The following DIDO1 variants were observed in gnomAD, a reference collection of about 807,000 sequenced individuals.
DIDO1 encodes the protein death inducer-obliterator 1.
Under a neutral mutation model 99.4 loss-of-function variants are expected in DIDO1, and 16 were observed. The ratio of observed to expected loss-of-function variants is 0.16; its 90% CI spans 0.11 to 0.24. DIDO1 has a LOEUF of 0.24. Ranked by LOEUF, DIDO1 falls within the 10% of genes least tolerant of loss-of-function variation. The probability of loss-of-function intolerance (pLI) is 1.00; values close to 1 mark genes in which losing one functional copy is unlikely to be tolerated. For missense variants in DIDO1, 2,996 were observed against 3,014.0 expected (o/e 0.99, Z 0.14); for synonymous variants, 1,366 against 1,239.1 (o/e 1.10, Z -2.15).
At chr20:62,903,559 A>G (rs1390478279) in intron 6 of DIDO1, among the ~76,000 whole-genome samples, 1 of 152,202 alleles carries the variant, frequency 6.6e-6, no homozygotes, top group African/African-American at 2.4e-5. Context: ...GTACTTGTTG[A>G]GCCTACAAAA....
At position 62,891,013 on chromosome 20, in the gene DIDO1, G is replaced by A. The variant is rs773989097; in HGVS notation, c.3488C>T (p.Pro1163Leu). Residue 1163 changes from proline to leucine, a missense_variant, in exon 15 of 16, where the codon CCG becomes CTG. Coordinates refer to ENST00000395343, the MANE Select transcript of DIDO1 (RefSeq NM_001193369.2). ...TGGAACAGGGTCCTGGGCGCTCAGC[G>A]GGATCAGGTAGAGGTCCTTGACGTG... ...NRHVKDLYLI[P>L]LSAQDPVPSK... is the part of the protein sequence containing the mutation. 1.9e-6 allele frequency: 3 copies of A among 1,614,164 alleles called. No individual in the cohort carries two copies. The highest frequency in any genetic ancestry group is 2.2e-5 in the East Asian group (1 of 44,880).
chr20:62,883,221 G>A (rs773835204), intron 15 of DIDO1, among the ~76,000 whole-genome samples: 3 of 151,784 alleles, frequency 2.0e-5, no homozygotes, highest in Non-Finnish European at 2.9e-5. Flanking sequence ...ACCGCACCCG[G>A]ACCCCTTTTT....
At chr20:62,908,854 A>G (rs759414935) in intron 4 of DIDO1, among the ~76,000 whole-genome samples, 1 of 152,210 alleles carries the variant, frequency 6.6e-6, no homozygotes, top group Non-Finnish European at 1.5e-5. Flanking sequence ...GCGAAGCCTC[A>G]ACTGCACAAA....
At position 62,892,709 on chromosome 20, in the gene DIDO1, T is replaced by C. The variant is rs2064425051; in HGVS notation, c.3255+100A>G. Reference sequence around the variant, plus strand: ...AGAGTGTCAGGCATTTCTGTTTCTCTCCTACCTCATGAATTAAGGGAGAAA... The same window carrying C: ...AGAGTGTCAGGCATTTCTGTTTCTCCCCTACCTCATGAATTAAGGGAGAAA... On this transcript the variant is annotated intron_variant, in intron 13 of 15. Transcript: ENST00000395343. 5 of 1,441,448 alleles carry C rather than the reference T, an allele frequency of 3.5e-6. No homozygotes were observed. The Admixed American group carries it at 8.9e-5, about 26-fold the overall frequency. 89.3% of individuals were successfully genotyped at this position (1,441,448 alleles called of 1,614,324 possible).
rs759149172 is a variant in DIDO1, at chr20:62,881,028, C to T, written c.4928G>A (p.Arg1643His). 6.2e-7 allele frequency: 1 copy of T among 1,603,778 alleles called. No homozygotes were observed. Among genetic ancestry groups the T allele is most frequent in the South Asian group, 1.1e-5 (1 of 90,696 alleles). ...CGAGCTGTCTCCAACCGTGGCGGGG[C>T]GGGTGCCCTCCCCAGGCTCTGCCTT... ...GWKAEPGEGT[R>H]PATVGDSSAR... The change falls in exon 16 of 16, where the codon CGC (arginine) becomes CAC (histidine). Residue 1643 changes from arginine (R) to histidine (H), a missense_variant. Physicochemically the swap from Arg to His is conservative, Grantham distance 29 (BLOSUM62 0). Coordinates refer to ENST00000395343, the MANE Select transcript of DIDO1 (RefSeq NM_001193369.2). The surrounding 1 kb of genome is among the most constrained non-coding windows in gnomAD (Gnocchi z 8.3).
At position 62,882,186 on chromosome 20, in the gene DIDO1, G is replaced by T. The variant is rs377748801; in HGVS notation, c.3770C>A (p.Pro1257His). The part of the protein sequence containing the change: ...CSADAAVSTT[P>H]PGSPPPPPPL... ...GGGCGGAGGCGGCGGCGACCCAGGA[G>T]GTGTGGTGCTGACAGCCGCGTCTGC... The change falls in exon 16 of 16, where the codon CCT becomes CAT. Residue 1257 changes from proline to histidine, a missense_variant. Transcript: ENST00000395343. 2.5e-6 allele frequency: 4 copies of T among 1,613,430 alleles called. No homozygotes were observed. The highest frequency in any genetic ancestry group is 3.4e-6 in the Non-Finnish European group (4 of 1,180,048).
In DIDO1 at chr20:62,894,017, T is replaced by C. The variant is rs1337876788; in HGVS notation, c.2750A>G (p.Glu917Gly). The C allele has an allele frequency of 1.2e-6, 2 of 1,614,084 alleles. No homozygotes were observed. The highest frequency in any genetic ancestry group is 2.7e-5 in the African/African-American group (2 of 74,944). ...GTCCACATTTGGATGAGAAGCACTTTCTAGGCCTGGCTCAGAGGCAACTTC... is the reference window on the plus strand; with the variant it reads ...GTCCACATTTGGATGAGAAGCACTTCCTAGGCCTGGCTCAGAGGCAACTTC... The part of the protein sequence containing the change: ...VPEVASEPGL[E>G]SASHPNVDRT... The change falls in exon 12 of 16, where the codon GAA becomes GGA. Residue 917 changes from glutamate (E) to glycine (G), a missense_variant. Glu to Gly is a moderately conservative substitution (Grantham distance 98, BLOSUM62 -2). This residue lies in a region of DIDO1 where 898 missense variants were observed against 972.7 expected (regional missense o/e 0.92). Coordinates refer to ENST00000395343, the MANE Select transcript of DIDO1 (RefSeq NM_001193369.2). The surrounding 1 kb of genome is among the most constrained non-coding windows in gnomAD (Gnocchi z 4.4).
chr20:62,881,163 C>A lies in DIDO1; in HGVS notation c.4793G>T (p.Gly1598Val), dbSNP rs779378700. ...GALPERDASR[G>V]GLVGQAPMPV... ...CATGGGCGCCTGGCCCACGAGGCCA[C>A]CCCTGGAAGCATCTCTCTCGGGCAG... The change falls in exon 16 of 16, where the codon GGT becomes GTT. Residue 1598 changes from glycine (G) to valine (V), a missense_variant. Physicochemically the swap from Gly to Val is moderately radical, Grantham distance 109 (BLOSUM62 -3). Coordinates refer to ENST00000395343, the MANE Select transcript of DIDO1 (RefSeq NM_001193369.2). This position sits in a 1 kb window ranked among gnomAD's most constrained non-coding sequence, Gnocchi z 8.3. The A allele has an allele frequency of 3.7e-6, 6 of 1,608,680 alleles. No homozygotes were observed. In the Admixed American group the frequency reaches 1.0e-4, roughly 27 times the overall value.
At chr20:62,889,851 C>T in intron 15 of DIDO1, 30 of 985,408 alleles carry the variant, frequency 3.0e-5, no homozygotes, top group Non-Finnish European at 3.6e-5. Flanking sequence ...AATATTTAAC[C>T]CTGAAATTAC....
At chr20:62,928,286 G>A (rs1214482309), upstream of DIDO1, among the ~76,000 whole-genome samples, 3 of 152,152 alleles carry the variant, frequency 2.0e-5, no homozygotes, top group East Asian at 1.9e-4. Context: ...GAACCAAGAG[G>A]AAGAAAAAGG....
At chr20:62,899,650 T>C (rs2064617986) in intron 6 of DIDO1, among the ~76,000 whole-genome samples, 1 of 152,244 alleles carries the variant, frequency 6.6e-6, no homozygotes. Context: ...TAACCATTGC[T>C]ATTTTAGAAA....
chr20:62,933,507 A>G (rs1208682085), intron 1 of DIDO1, among the ~76,000 whole-genome samples: 1 of 152,262 alleles, frequency 6.6e-6, no homozygotes, highest in Non-Finnish European at 1.5e-5. Context: ...GAGTAAAACA[A>G]AACATCCATG....
intron 1 of DIDO1, among the ~76,000 whole-genome samples, chr20:62,920,215 G>A (rs985435867): frequency 6.6e-6 from 1 of 152,128 alleles, no homozygotes; most frequent in African/African-American, 2.4e-5. Context: ...GGTGCGCTGC[G>A]GGAGGTCATC....
chr20:62,903,263 G>A lies in DIDO1; in HGVS notation c.1588+2624C>T, dbSNP rs114145757. Among the ~76,000 whole-genome samples the A allele has an allele frequency of 9.1e-3, 1,391 of 152,342 alleles. 17 individuals are homozygous for A. The highest frequency in any genetic ancestry group is 0.032 in the African/African-American group (1,330 of 41,570). ...TCCTTCTAGCAATGGCAGAGTGTCTGTGCACACCAGGCCTCACCTGTTGGA... is the reference window on the plus strand; with the variant it reads ...TCCTTCTAGCAATGGCAGAGTGTCTATGCACACCAGGCCTCACCTGTTGGA... On this transcript the variant is annotated intron_variant, in intron 6 of 15. Coordinates refer to ENST00000395343, the MANE Select transcript of DIDO1 (RefSeq NM_001193369.2).
rs1309224821 is a variant in DIDO1, at chr20:62,879,971, G to A, written c.5985C>T (p.Ser1995=). ...APLQFGGLRG[S]APFSEKNEQT... ...GCTCATTTTTTTCAGAAAAGGGTGC[G>A]GACCCCCGTAGTCCACCAAACTGCA... The change falls in exon 16 of 16, where the codon TCC becomes TCT. Residue 1995 remains serine (S), a synonymous_variant. Transcript: ENST00000395343. The surrounding 1 kb of genome is among the most constrained non-coding windows in gnomAD (Gnocchi z 6.3). 1.9e-6 allele frequency: 3 copies of A among 1,609,822 alleles called. No homozygotes were observed. Among genetic ancestry groups the A allele is most frequent in the Non-Finnish European group, 2.5e-6 (3 of 1,179,262 alleles).
Position 62,907,235 on chromosome 20 carries a change from A to C in DIDO1, c.1286T>G (p.Leu429Arg). The C allele has an allele frequency of 6.2e-7, 1 of 1,614,254 alleles. No homozygotes were observed. Among genetic ancestry groups the C allele is most frequent in the South Asian group, 1.1e-5 (1 of 91,090 alleles). Residue 429 changes from leucine to arginine, a missense_variant, in exon 5 of 16, where the codon CTA (leucine) becomes CGA (arginine). Transcript: ENST00000395343. The part of the protein sequence containing the change: ...LKHAAATMKF[L>R]SSGKEQKPKP... ...TGGCTTCTGTTCTTTACCTGAGCTTAGAAACTTCATTGTCGCTGCGGCGTG... is the reference window on the plus strand; with the variant it reads ...TGGCTTCTGTTCTTTACCTGAGCTTCGAAACTTCATTGTCGCTGCGGCGTG...
chr20:62,924,833 A>G (rs769492396), intron 1 of DIDO1, among the ~76,000 whole-genome samples: 2 of 152,156 alleles, frequency 1.3e-5, no homozygotes, highest in African/African-American at 2.4e-5. Context: ...TGCTTGACAT[A>G]GTCTGAATTC....
Position 62,879,738 on chromosome 20 carries a change from C to G in DIDO1, c.6218G>C (p.Gly2073Ala), listed in dbSNP as rs951236282. 5.6e-6 allele frequency: 9 copies of G among 1,611,636 alleles called. No homozygotes were observed. The Admixed American group carries it at 1.3e-4, about 24-fold the overall frequency. The change falls in exon 16 of 16, where the codon GGG becomes GCG. Residue 2073 changes from glycine to alanine, a missense_variant. By Grantham distance (60) the Gly-to-Ala change is moderately conservative. This residue lies in a region of DIDO1 where 1,562 missense variants were observed against 1,412.6 expected (regional missense o/e 1.11). Coordinates refer to ENST00000395343, the MANE Select transcript of DIDO1 (RefSeq NM_001193369.2). This position sits in a 1 kb window ranked among gnomAD's most constrained non-coding sequence, Gnocchi z 6.3. The part of the protein sequence containing the change: ...GQWASADFRE[G>A]KGHEYRNQTF... ...CTGGTTTCTGTATTCGTGGCCTTTC[C>G]CCTCTCGGAAGTCGGCCGATGCCCA...
rs375760967 is a variant in DIDO1, at chr20:62,879,299, C to G, written c.6657G>C (p.Glu2219Asp). ...RDRKDRSKSK[E>D]SARDPKPEAS... is the part of the protein sequence containing the mutation. ...CCTCGGGCTTCGGGTCCCGAGCGCT[C>G]TCTTTGCTCTTGCTCCGGTCCTTGC... The change falls in exon 16 of 16, where the codon GAG becomes GAC. Residue 2219 changes from glutamate to aspartate, a missense_variant. Glu to Asp is a conservative substitution (Grantham distance 45). Coordinates refer to ENST00000395343, the MANE Select transcript of DIDO1 (RefSeq NM_001193369.2). The surrounding 1 kb of genome is among the most constrained non-coding windows in gnomAD (Gnocchi z 6.3). 6.3e-7 allele frequency: 1 copy of G among 1,579,542 alleles called. No homozygotes were observed. Among genetic ancestry groups the G allele is most frequent in the East Asian group, 2.3e-5 (1 of 42,972 alleles).
Sources: allele counts gnomAD v4.1 joint callset (sites outside exome capture counted in the v4.1 genomes callset), GRCh38; gene constraint gnomAD v4.1.1; regional missense constraint gnomAD v4.1.1; non-coding constraint Gnocchi (gnomAD v3.1); transcripts MANE v1.5; gene names NCBI Gene and HGNC (gene_info 2026-07-23, HGNC 2026-07-21).